Variants in SPATA17 observed in about 807,000 individuals in gnomAD.
The protein encoded by SPATA17 is spermatogenesis associated 17.
A neutral mutation model predicts 62.2 loss-of-function variants in SPATA17; 53 were observed. That is an observed-to-expected ratio of 0.85 (90% CI 0.68 to 1.07). The LOEUF (loss-of-function observed/expected upper bound fraction) is 1.07, where lower values mean the gene tolerates loss of function less well. Among genes scored for constraint, SPATA17 ranks in the 50% least tolerant of loss-of-function variants. SPATA17 has a pLI of 0.00. For missense variants in SPATA17, 466 were observed against 425.5 expected, an observed-to-expected ratio of 1.10 and a Z score of -0.84; for synonymous variants, 146 against 146.8, an observed-to-expected ratio of 0.99 and a Z score of 0.04.
At chr1:217,839,110 CAAAT>C (rs2103005765) in intron 9 of SPATA17, among the ~76,000 whole-genome samples, 1 of 152,064 alleles carries the variant, frequency 6.6e-6, no homozygotes, top group South Asian at 2.1e-4. Flanking sequence ...GCCCACTACT[CAAAT>C]TGATTGAGTA....
intron 6 of SPATA17, among the ~76,000 whole-genome samples, chr1:217,758,719 C>A (rs907859460): frequency 6.6e-6 from 1 of 152,052 alleles, no homozygotes; most frequent in African/African-American, 2.4e-5. Flanking sequence ...GAGCAAGGAA[C>A]TAAGTGAGGG....
At chr1:217,790,558 A>T (rs1403872878) in intron 8 of SPATA17, among the ~76,000 whole-genome samples, 1 of 152,020 alleles carries the variant, frequency 6.6e-6, no homozygotes, top group Non-Finnish European at 1.5e-5. Flanking sequence ...CTCCTGCCTC[A>T]GCCTCCTGAG....
intron 1 of SPATA17, among the ~76,000 whole-genome samples, chr1:217,635,347 T>G (rs1027626528): frequency 6.6e-6 from 1 of 152,186 alleles, no homozygotes; most frequent in Non-Finnish European, 1.5e-5. Context: ...AATACATCCA[T>G]CAATACAGGT....
chr1:217,804,926 A>T (rs558673190), intron 9 of SPATA17, among the ~76,000 whole-genome samples: 1 of 152,344 alleles, frequency 6.6e-6, no homozygotes, highest in African/African-American at 2.4e-5. Flanking sequence ...GAACACTTGT[A>T]CACTATTGGT....
At chr1:217,758,513 A>G (rs1673099137) in intron 6 of SPATA17, among the ~76,000 whole-genome samples, 1 of 152,224 alleles carries the variant, frequency 6.6e-6, no homozygotes, top group Non-Finnish European at 1.5e-5. Flanking sequence ...AATGCAGGCT[A>G]AAATTACAAA....
intron 5 of SPATA17, among the ~76,000 whole-genome samples, chr1:217,721,920 C>T (rs533419516): frequency 3.3e-5 from 5 of 152,284 alleles, no homozygotes; most frequent in South Asian, 2.1e-4. Flanking sequence ...GCTTCTAAGA[C>T]GTGGCCTGGA....
At chr1:217,654,956 C>T (rs375234345) in intron 3 of SPATA17, among the ~76,000 whole-genome samples, 43 of 152,242 alleles carry the variant, frequency 2.8e-4, no homozygotes, top group African/African-American at 8.4e-4. Flanking sequence ...GTGATATGCC[C>T]GCCTTGGCCT....
chr1:217,817,828 G>A (rs1384969773), intron 9 of SPATA17, among the ~76,000 whole-genome samples: 1 of 152,036 alleles, frequency 6.6e-6, no homozygotes, highest in East Asian at 1.9e-4. Context: ...GACCACACAT[G>A]CTTAGTGTAC....
intron 8 of SPATA17, among the ~76,000 whole-genome samples, chr1:217,783,951 A>AC (rs1481698514): frequency 6.6e-6 from 1 of 152,054 alleles, no homozygotes; most frequent in East Asian, 1.9e-4. Context: ...AAGATTTTCA[A>AC]CCAATCAGAA....
chr1:217,760,007 T>C (rs1673133478), intron 6 of SPATA17, among the ~76,000 whole-genome samples: 1 of 152,154 alleles, frequency 6.6e-6, no homozygotes, highest in Admixed American at 6.5e-5. Context: ...TTCTCAAATT[T>C]TGAAAAATGG....
intron 9 of SPATA17, among the ~76,000 whole-genome samples, chr1:217,849,645 A>G (rs1675603865): frequency 6.6e-6 from 1 of 152,084 alleles, no homozygotes; most frequent in African/African-American, 2.4e-5. Context: ...GAAACCTTTC[A>G]CTTAATTTTC....
intron 5 of SPATA17, among the ~76,000 whole-genome samples, chr1:217,714,617 G>C (rs1196929431): frequency 6.6e-6 from 1 of 150,768 alleles, no homozygotes; most frequent in African/African-American, 2.4e-5. Context: ...CCGAGTAGCT[G>C]GGACTACAGG....
intron 5 of SPATA17, among the ~76,000 whole-genome samples, chr1:217,732,114 C>CTCTCTCTCTCTCT (rs1553370391): frequency 6.6e-6 from 1 of 152,016 alleles, no homozygotes; most frequent in Non-Finnish European, 1.5e-5. Context: ...CTCTGTCTCA[C>CTCTCTCTCTCTCT]CACTATTTTG....
At chr1:217,652,797 G>A (rs2102885169) in intron 3 of SPATA17, among the ~76,000 whole-genome samples, 1 of 152,294 alleles carries the variant, frequency 6.6e-6, no homozygotes, top group African/African-American at 2.4e-5. Context: ...AAAGAGGACA[G>A]GCTTTAGACC....
chr1:217,783,841 G>A (rs1242618414), intron 8 of SPATA17, among the ~76,000 whole-genome samples: 1 of 151,958 alleles, frequency 6.6e-6, no homozygotes, highest in Admixed American at 6.6e-5. Context: ...AAAGTTGCTC[G>A]ATTTGTATTT....
At chr1:217,656,253 G>T (rs1670438836) in intron 3 of SPATA17, among the ~76,000 whole-genome samples, 2 of 152,076 alleles carry the variant, frequency 1.3e-5, no homozygotes, top group East Asian at 1.9e-4. Context: ...TAGTCACCTT[G>T]GAATGTGTAT....
At chr1:217,822,252 T>C (rs956819769) in intron 9 of SPATA17, among the ~76,000 whole-genome samples, 1 of 152,114 alleles carries the variant, frequency 6.6e-6, no homozygotes, top group African/African-American at 2.4e-5. Context: ...TATTTTTTAT[T>C]ATCATTAATT....
At chr1:217,854,232 T>A (rs952454513) in intron 9 of SPATA17, among the ~76,000 whole-genome samples, 3 of 152,150 alleles carry the variant, frequency 2.0e-5, no homozygotes, top group Non-Finnish European at 2.9e-5. Context: ...TACGTCAGGT[T>A]TTCAATCTTG....
At chr1:217,639,661 T>C (rs1382514138) in intron 1 of SPATA17, among the ~76,000 whole-genome samples, 1 of 152,212 alleles carries the variant, frequency 6.6e-6, no homozygotes, top group African/African-American at 2.4e-5. Context: ...ATTGGTACTT[T>C]AATGTCCTTT....
Sources: allele counts gnomAD v4.1 joint callset (sites outside exome capture counted in the v4.1 genomes callset), GRCh38; gene constraint gnomAD v4.1.1; transcripts MANE v1.5; gene names NCBI Gene and HGNC (gene_info 2026-07-23, HGNC 2026-07-21).